The following LMNB1 variants were observed in gnomAD, a reference collection of about 807,000 sequenced individuals.
LMNB1 encodes lamin-B1.
A neutral mutation model predicts 67.1 loss-of-function variants in LMNB1; 23 were observed. The ratio of observed to expected loss-of-function variants is 0.34; its 90% CI spans 0.25 to 0.49. The LOEUF (loss-of-function observed/expected upper bound fraction) is 0.49, where lower values mean the gene tolerates loss of function less well. LMNB1 is among the 20% of genes least tolerant of loss of function. The probability of loss-of-function intolerance (pLI) is 0.99; values close to 1 mark genes in which losing one functional copy is unlikely to be tolerated. For synonymous variants in LMNB1, 281 were observed against 282.9 expected (o/e 0.99, Z 0.07); for missense variants, 634 against 746.5 (o/e 0.85, Z 1.76).
intron 3 of LMNB1, among the ~76,000 whole-genome samples, chr5:126,806,923 G>T (rs150263894): frequency 6.6e-6 from 1 of 151,982 alleles, no homozygotes; most frequent in Non-Finnish European, 1.5e-5. Flanking sequence ...GACTACAGGC[G>T]CATGCACCCA....
chr5:126,806,518 G>A (rs1490267978), intron 3 of LMNB1, among the ~76,000 whole-genome samples: 1 of 152,150 alleles, frequency 6.6e-6, no homozygotes, highest in African/African-American at 2.4e-5. Context: ...ACAGGGCTGT[G>A]GGCAGGACGT....
Position 126,806,546 on chromosome 5 carries a change from T to C in LMNB1, c.642+850T>C, listed in dbSNP as rs78244229. On this transcript the variant is annotated intron_variant, in intron 3 of 10. Coordinates refer to ENST00000261366, the MANE Select transcript of LMNB1 (RefSeq NM_005573.4). Reference sequence around the variant, plus strand: ...CAGGACGTGTCAGTTCCTCACCTCATGGTCTTCTTCATAGGGCTGCTCATG... The same window carrying C: ...CAGGACGTGTCAGTTCCTCACCTCACGGTCTTCTTCATAGGGCTGCTCATG... Among the ~76,000 whole-genome samples the C allele has an allele frequency of 6.9e-3, 1,057 of 152,222 alleles. 11 individuals carry two copies. Among genetic ancestry groups the C allele is most frequent in the African/African-American group, 0.024 (1,009 of 41,544 alleles).
Position 126,829,627 on chromosome 5 carries a change from A to G in LMNB1, c.1612-3067A>G, listed in dbSNP as rs77197744. Among the ~76,000 whole-genome samples, 271 of 151,966 alleles carry G rather than the reference A, an allele frequency of 1.8e-3. 2 individuals are homozygous for G. Among genetic ancestry groups the G allele is most frequent in the African/African-American group, 6.1e-3 (254 of 41,446 alleles). ...GTTAAAAGAATGGACAATCCAGCCC[A>G]CCAAATAATCTGATATTGAGTGTTT... is the stretch of plus-strand genomic sequence containing the variant. On this transcript the variant is annotated intron_variant, in intron 9 of 10. Coordinates refer to ENST00000261366, the MANE Select transcript of LMNB1 (RefSeq NM_005573.4).
chr5:126,779,192 T>C (rs1225020080), intron 1 of LMNB1, among the ~76,000 whole-genome samples: 1 of 152,206 alleles, frequency 6.6e-6, no homozygotes, highest in African/African-American at 2.4e-5. Flanking sequence ...TCATATGTTT[T>C]CGGTTCATAA....
chr5:126,783,375 A>G (rs1750681620), intron 1 of LMNB1, among the ~76,000 whole-genome samples: 6 of 126,786 alleles, frequency 4.7e-5, no homozygotes, highest in Admixed American at 2.3e-4. Context: ...CTTAAAATAT[A>G]AGAGTTATAA....
intron 1 of LMNB1, among the ~76,000 whole-genome samples, chr5:126,791,831 T>C (rs985655107): frequency 6.6e-6 from 1 of 151,966 alleles, no homozygotes; most frequent in African/African-American, 2.4e-5. Context: ...TTGCCCAGGC[T>C]GGAGTGCAGT....
intron 1 of LMNB1, among the ~76,000 whole-genome samples, chr5:126,779,769 AC>A (rs1354657455): frequency 2.0e-5 from 3 of 152,090 alleles, no homozygotes; most frequent in Admixed American, 2.0e-4. Context: ...GCGGGGGCTC[AC>A]GCCTGTAATC....
chr5:126,814,465 A>T (rs940672721), intron 5 of LMNB1, among the ~76,000 whole-genome samples: 8 of 151,828 alleles, frequency 5.3e-5, no homozygotes, highest in Admixed American at 3.3e-4. Flanking sequence ...TGGGCTCTGA[A>T]ACTTAGTAGC....
intron 1 of LMNB1, among the ~76,000 whole-genome samples, chr5:126,790,699 A>G (rs1750931459): frequency 6.6e-6 from 1 of 152,174 alleles, no homozygotes; most frequent in East Asian, 1.9e-4. Flanking sequence ...GTGTTTTTCT[A>G]CAGTCTAGTT....
chr5:126,781,753 T>A (rs1419092950), intron 1 of LMNB1, among the ~76,000 whole-genome samples: 1 of 152,164 alleles, frequency 6.6e-6, no homozygotes, highest in African/African-American at 2.4e-5. Context: ...AATTTTTTAT[T>A]TGGAACTAGA....
intron 4 of LMNB1, 23 bp from the exon 5 acceptor site, chr5:126,811,750 C>A: frequency 6.3e-7 from 1 of 1,593,890 alleles, no homozygotes; most frequent in Non-Finnish European, 8.6e-7. Flanking sequence ...ATAAGACTGA[C>A]TATGCTTTGC....
intron 1 of LMNB1, among the ~76,000 whole-genome samples, chr5:126,801,230 C>T (rs1359137200): frequency 1.3e-5 from 2 of 151,598 alleles, no homozygotes; most frequent in Non-Finnish European, 2.9e-5. Flanking sequence ...GGATTATAGA[C>T]GTGAGCCACC....
chr5:126,802,139 C>T (rs532572576), intron 1 of LMNB1, among the ~76,000 whole-genome samples: 2 of 152,190 alleles, frequency 1.3e-5, no homozygotes, highest in African/African-American at 2.4e-5. Flanking sequence ...AGCCTGCCAT[C>T]GTGTGGTGTT....
chr5:126,813,192 A>G (rs1580545799), intron 5 of LMNB1, among the ~76,000 whole-genome samples: 1 of 152,256 alleles, frequency 6.6e-6, no homozygotes, highest in African/African-American at 2.4e-5. Context: ...TTTAGTTAAC[A>G]CAGGGGCTTT....
chr5:126,788,906 T>G (rs757533930), intron 1 of LMNB1, among the ~76,000 whole-genome samples: 1,014 of 18,180 alleles, frequency 0.056, 16 homozygotes, highest in African/African-American at 0.095. Flanking sequence ...GTTTTTTTTG[T>G]TTTTTTTTTT....
intron 5 of LMNB1, among the ~76,000 whole-genome samples, chr5:126,812,718 CTTTTTT>C (rs11430160): frequency 3.1e-4 from 36 of 117,158 alleles, no homozygotes; most frequent in African/African-American, 1.0e-3. Flanking sequence ...CTTTATTTTA[CTTTTTT>C]TTTTTTTTTT....
chr5:126,797,960 T>TTATAG, intron 1 of LMNB1, among the ~76,000 whole-genome samples: 1 of 152,190 alleles, frequency 6.6e-6, no homozygotes, highest in Admixed American at 6.5e-5. Context: ...GTGGCACATG[T>TTATAG]GTATACTCCC....
chr5:126,813,864 C>T (rs1260680738), intron 5 of LMNB1, among the ~76,000 whole-genome samples: 1 of 152,194 alleles, frequency 6.6e-6, no homozygotes, highest in Non-Finnish European at 1.5e-5. Context: ...AACACAAACA[C>T]ACAGACTGTA....
chr5:126,804,898 G>A lies in LMNB1; in HGVS notation c.482G>A (p.Gly161Glu). ...CTTGGTGACAAAAAAAGTTTAGAGGGAGATTTGGAGGATCTGAAGGATCAG... is the reference window on the plus strand; with the variant it reads ...CTTGGTGACAAAAAAAGTTTAGAGGAAGATTTGGAGGATCTGAAGGATCAG... ...TALGDKKSLE[G>E]DLEDLKDQIA... Residue 161 changes from glycine to glutamate, a missense_variant, in exon 2 of 11, where the codon GGA becomes GAA. Transcript: ENST00000261366. The A allele has an allele frequency of 1.9e-6, 3 of 1,614,108 alleles. No individual in the cohort carries two copies. In the East Asian group the frequency reaches 6.7e-5, roughly 36 times the overall value.
Sources: gnomAD v4.1 joint callset for allele counts (sites outside exome capture counted in the v4.1 genomes callset) on GRCh38, gnomAD v4.1.1 for gene constraint, MANE v1.5 for transcripts, NCBI Gene and HGNC (gene_info 2026-07-23, HGNC 2026-07-21) for gene names.